Variants in GRM8 observed in about 807,000 individuals in gnomAD.
The protein encoded by GRM8 is metabotropic glutamate receptor 8.
In GRM8, 47 loss-of-function variants were observed where a neutral mutation model predicts 87.2. The observed-to-expected ratio is 0.54, with a 90% CI of 0.43 to 0.69. The LOEUF is 0.69. Among genes scored for constraint, GRM8 ranks in the 30% least tolerant of loss-of-function variants. The pLI is 0.00. For missense variants in GRM8, 1,019 were observed against 1,139.2 expected (o/e 0.89, Z 1.52); for synonymous variants, 396 against 404.5 (o/e 0.98, Z 0.25).
intron 8 of GRM8, among the ~76,000 whole-genome samples, chr7:126,548,807 G>A (rs1328160965): frequency 1.3e-5 from 2 of 152,150 alleles, no homozygotes; most frequent in Non-Finnish European, 2.9e-5. Context: ...TTGACTTTGG[G>A]CATCTGAAAC....
chr7:127,167,779 C>T (rs1425983385), intron 2 of GRM8, among the ~76,000 whole-genome samples: 1 of 152,048 alleles, frequency 6.6e-6, no homozygotes, highest in Non-Finnish European at 1.5e-5. Context: ...TTCCTATTCC[C>T]TCAGACACAA....
chr7:126,501,368 G>C (rs1809617915), intron 9 of GRM8, among the ~76,000 whole-genome samples: 1 of 151,980 alleles, frequency 6.6e-6, no homozygotes, highest in Admixed American at 6.6e-5. Context: ...AAAATAGTTG[G>C]AAGGGGAAAC....
At chr7:126,837,984 CTTAAAG>C (rs775436783) in intron 6 of GRM8, among the ~76,000 whole-genome samples, 2 of 152,130 alleles carry the variant, frequency 1.3e-5, no homozygotes, top group African/African-American at 4.8e-5. Context: ...AACATATCCT[CTTAAAG>C]TTAAAGAGAC....
intron 7 of GRM8, among the ~76,000 whole-genome samples, chr7:126,717,330 G>T (rs746724326): frequency 1.3e-5 from 2 of 152,150 alleles, no homozygotes; most frequent in African/African-American, 2.4e-5. Flanking sequence ...GGCTTGTGGG[G>T]TGGAGGGTGA....
intron 2 of GRM8, among the ~76,000 whole-genome samples, chr7:127,107,390 C>A (rs934114212): frequency 6.6e-6 from 1 of 152,078 alleles, no homozygotes; most frequent in Non-Finnish European, 1.5e-5. Flanking sequence ...TTAGAAGAGA[C>A]TATTTTTCTT....
At chr7:126,605,363 T>C (rs1299191075) in intron 8 of GRM8, among the ~76,000 whole-genome samples, 1 of 152,132 alleles carries the variant, frequency 6.6e-6, no homozygotes, top group Non-Finnish European at 1.5e-5. Flanking sequence ...AAACAAATTA[T>C]GCTGATTGTA....
chr7:126,852,818 AT>A (rs1367629208), intron 6 of GRM8, among the ~76,000 whole-genome samples: 1 of 152,020 alleles, frequency 6.6e-6, no homozygotes, highest in Non-Finnish European at 1.5e-5. Context: ...ATTTTCATAT[AT>A]TTGTATGCTT....
At position 126,551,779 on chromosome 7, in the gene GRM8, G is replaced by C. The variant is rs548435096; in HGVS notation, c.1495-17892C>G. ...GACTACCACAAAGGGAACGTAGCTA[G>C]CTTTCTTTCTCTTCTAATCCATCTT... On this transcript the variant is annotated intron_variant, in intron 8 of 10. Transcript: ENST00000339582. 2.0e-5 allele frequency among the ~76,000 whole-genome samples: 3 copies of C among 152,140 alleles called. No homozygotes were observed. In the East Asian group the frequency reaches 5.8e-4, roughly 29 times the overall value.
chr7:127,249,594 T>A (rs76985303), intron 1 of GRM8, among the ~76,000 whole-genome samples: 1 of 152,094 alleles, frequency 6.6e-6, no homozygotes, highest in East Asian at 1.9e-4. Context: ...TCAGCGTCCC[T>A]CCCAGTGAGT....
chr7:126,585,602 C>G (rs547602425), intron 8 of GRM8, among the ~76,000 whole-genome samples: 1 of 152,286 alleles, frequency 6.6e-6, no homozygotes, highest in East Asian at 1.9e-4. Flanking sequence ...TCAATAGACA[C>G]AGAAAATGCC....
At chr7:126,476,115 C>A (rs1226018320) in intron 9 of GRM8, among the ~76,000 whole-genome samples, 6 of 152,084 alleles carry the variant, frequency 3.9e-5, no homozygotes, top group Admixed American at 3.9e-4. Context: ...GGGACTACAT[C>A]AAATTAAAAA....
At chr7:126,676,659 A>G (rs1806985412) in intron 7 of GRM8, among the ~76,000 whole-genome samples, 1 of 152,166 alleles carries the variant, frequency 6.6e-6, no homozygotes, top group Non-Finnish European at 1.5e-5. Flanking sequence ...TGCTGGGTAA[A>G]TTGAAAGCCA....
At chr7:126,558,256 TCA>T (rs1474249814) in intron 8 of GRM8, among the ~76,000 whole-genome samples, 1 of 152,200 alleles carries the variant, frequency 6.6e-6, no homozygotes, top group East Asian at 1.9e-4. Context: ...CAAGTATAGT[TCA>T]GAGTTCTTTT....
Position 126,685,825 on chromosome 7 carries a change from G to A in GRM8, c.1358-76327C>T, listed in dbSNP as rs376082631. Among the ~76,000 whole-genome samples the A allele has an allele frequency of 6.6e-6, 1 of 151,986 alleles. No homozygotes were observed. Among genetic ancestry groups the A allele is most frequent in the South Asian group, 2.1e-4 (1 of 4,830 alleles). The stretch of plus-strand genomic sequence containing the variant: ...CAGGCTCCTGGGCAGAAGGGGGAAG[G>A]TCCTCAGTGATGCCCTACCTTCAAG... On this transcript the variant is annotated intron_variant, in intron 7 of 10. Coordinates refer to ENST00000339582, the MANE Select transcript of GRM8 (RefSeq NM_000845.3). The surrounding 1 kb of genome is among the most constrained non-coding windows in gnomAD (Gnocchi z 4.2).
At chr7:126,548,905 A>G (rs1585022470) in intron 8 of GRM8, among the ~76,000 whole-genome samples, 1 of 152,316 alleles carries the variant, frequency 6.6e-6, no homozygotes, top group Non-Finnish European at 1.5e-5. Context: ...AAATAAATTT[A>G]ATAAGCATTT....
intron 3 of GRM8, among the ~76,000 whole-genome samples, chr7:126,911,444 A>C (rs1181266624): frequency 6.6e-6 from 1 of 152,236 alleles, no homozygotes; most frequent in Admixed American, 6.5e-5. Context: ...TCTTTAATAA[A>C]ATGGTTAAAA....
intron 3 of GRM8, among the ~76,000 whole-genome samples, chr7:127,100,588 C>T (rs1007175323): frequency 2.8e-4 from 42 of 152,306 alleles, no homozygotes; most frequent in African/African-American, 8.9e-4. Flanking sequence ...TGGGGGTGGC[C>T]TCAAATCATA....
intron 2 of GRM8, among the ~76,000 whole-genome samples, chr7:127,183,780 T>A (rs1236463203): frequency 2.6e-5 from 4 of 151,688 alleles, no homozygotes; most frequent in Non-Finnish European, 5.9e-5. Context: ...TTTATAAACC[T>A]CTAGTTAGGC....
chr7:126,966,017 T>A (rs1809814011), intron 3 of GRM8, among the ~76,000 whole-genome samples: 1 of 152,164 alleles, frequency 6.6e-6, no homozygotes, highest in African/African-American at 2.4e-5. Flanking sequence ...ATTCAAATTA[T>A]ATAAAAACAG....
Sources: allele counts gnomAD v4.1 joint callset (sites outside exome capture counted in the v4.1 genomes callset), GRCh38; gene constraint gnomAD v4.1.1; non-coding constraint Gnocchi (gnomAD v3.1); transcripts MANE v1.5; gene names NCBI Gene and HGNC (gene_info 2026-07-23, HGNC 2026-07-21).